The following NKD1 variants were observed in gnomAD, a reference collection of about 807,000 sequenced individuals.
The protein encoded by NKD1 is NKD inhibitor of Wnt signaling pathway 1.
NKD1 carries 21 observed loss-of-function variants against 56.0 expected under a neutral mutation model. The observed-to-expected ratio is 0.38, with a 90% CI of 0.27 to 0.54. NKD1 has a LOEUF of 0.54. NKD1 is among the 20% of genes least tolerant of loss of function. NKD1 has a pLI of 0.82. For synonymous variants in NKD1, 263 were observed against 265.7 expected, an observed-to-expected ratio of 0.99 and a Z score of 0.10; for missense variants, 578 against 642.7, an observed-to-expected ratio of 0.90 and a Z score of 1.09.
chr16:50,636,292 A>G lies in NKD1; in HGVS notation c.*2511A>G, dbSNP rs1567357419. ...GCCCGGAGTTGAGACTACTGGTTTT[A>G]GAGCAGTTCCTCTGCCTCCCTAAGC... On this transcript the variant is annotated 3_prime_UTR_variant, in exon 10 of 10. Transcript: ENST00000268459. 3 of 152,170 alleles carry G rather than the reference A, an allele frequency of 2.0e-5. No homozygotes were observed. 9.4% of individuals were successfully genotyped at this position (152,170 alleles called of 1,614,324 possible).
intron 3 of NKD1, among the ~76,000 whole-genome samples, chr16:50,583,879 C>A (rs1961171648): frequency 6.6e-6 from 1 of 152,220 alleles, no homozygotes; most frequent in South Asian, 2.1e-4. Context: ...GAATCCTGAT[C>A]TAAACACAGT....
chr16:50,562,358 A>G, intron 3 of NKD1: 1 of 740,962 alleles, frequency 1.3e-6, no homozygotes, highest in Non-Finnish European at 1.6e-6. Flanking sequence ...ACTGTCAAGG[A>G]CTATTTCCCT....
intron 3 of NKD1, among the ~76,000 whole-genome samples, chr16:50,583,697 C>A (rs1007804477): frequency 2.6e-5 from 4 of 152,082 alleles, no homozygotes; most frequent in African/African-American, 7.2e-5. Flanking sequence ...AGAAAGATGC[C>A]GTGTCCCCTG....
chr16:50,602,003 C>T (rs1292825730), intron 3 of NKD1, among the ~76,000 whole-genome samples: 1 of 152,226 alleles, frequency 6.6e-6, no homozygotes, highest in Non-Finnish European at 1.5e-5. Flanking sequence ...CTTTCCATCT[C>T]TCTGCCCTTT....
rs369268416 is a variant in NKD1, at chr16:50,625,849, G to A, written c.462+269G>A. 2.0e-4 allele frequency among the ~76,000 whole-genome samples: 5 copies of A among 25,210 alleles called. No homozygotes were observed. The East Asian group carries it at 3.0e-3, about 15-fold the overall frequency. The allele number at this position is 25,210 out of a possible 152,430, so 16.5% of individuals were successfully genotyped here. ...CCTCCCGGGAAAGAAGTTGGGGGGG[G>A]CAGGTGCAGAGCCCTAGGGCCTCTC... On this transcript the variant is annotated intron_variant, in intron 6 of 9. Transcript: ENST00000268459.
intron 3 of NKD1, among the ~76,000 whole-genome samples, chr16:50,553,162 A>C (rs1470037253): frequency 6.6e-6 from 1 of 152,254 alleles, no homozygotes; most frequent in Non-Finnish European, 1.5e-5. Context: ...CTGGGTGTGG[A>C]AAATAGAATG....
chr16:50,565,355 G>C (rs1332289869), intron 3 of NKD1, among the ~76,000 whole-genome samples: 6 of 148,096 alleles, frequency 4.1e-5, no homozygotes, highest in Non-Finnish European at 8.9e-5. Context: ...CTGGGCAACA[G>C]AGTGAGACTC....
intron 4 of NKD1, among the ~76,000 whole-genome samples, chr16:50,619,554 C>T (rs556417815): frequency 8.7e-4 from 133 of 152,290 alleles, no homozygotes; most frequent in African/African-American, 3.0e-3. Flanking sequence ...CATTTGCATT[C>T]GTGAAGCCTC....
At chr16:50,564,259 C>T (rs1032799924) in intron 3 of NKD1, among the ~76,000 whole-genome samples, 41 of 152,204 alleles carry the variant, frequency 2.7e-4, no homozygotes, top group African/African-American at 1.7e-4. Context: ...TGTCACAAAT[C>T]GGGGCCTTTC....
chr16:50,587,746 G>A (rs1961261358), intron 3 of NKD1, among the ~76,000 whole-genome samples: 1 of 152,222 alleles, frequency 6.6e-6, no homozygotes. Flanking sequence ...GTACAGGTCT[G>A]TGGCCTATTA....
intron 4 of NKD1, among the ~76,000 whole-genome samples, chr16:50,614,083 C>G (rs1596744105): frequency 6.6e-6 from 1 of 152,112 alleles, no homozygotes; most frequent in African/African-American, 2.4e-5. Flanking sequence ...GGTGGCATTT[C>G]TGGTCTCAGG....
chr16:50,599,596 C>T (rs1403493600), intron 3 of NKD1, among the ~76,000 whole-genome samples: 1 of 152,198 alleles, frequency 6.6e-6, no homozygotes, highest in Non-Finnish European at 1.5e-5. Flanking sequence ...GCAGATGTCG[C>T]ACACTGACTA....
intron 3 of NKD1, chr16:50,556,878 A>G (rs900719270): frequency 6.6e-6 from 1 of 151,860 alleles, no homozygotes; most frequent in Non-Finnish European, 1.5e-5. Context: ...CCAGCCTTAT[A>G]TATATTTTTT....
At chr16:50,574,126 T>C in intron 3 of NKD1, 3 of 848,304 alleles carry the variant, frequency 3.5e-6, no homozygotes, top group Non-Finnish European at 4.3e-6. Context: ...GTCACATGGG[T>C]ATTGGGTGAT....
chr16:50,556,349 G>A (rs1451259057), intron 3 of NKD1: 1 of 152,300 alleles, frequency 6.6e-6, no homozygotes, highest in Non-Finnish European at 1.5e-5. Context: ...GAAGGCAGAA[G>A]GGAGCTGTTT....
At chr16:50,620,642 G>A (rs1352604140) in intron 4 of NKD1, among the ~76,000 whole-genome samples, 1 of 152,166 alleles carries the variant, frequency 6.6e-6, no homozygotes, top group Non-Finnish European at 1.5e-5. Context: ...GATGTCTCCG[G>A]CAAACCCCAG....
intron 3 of NKD1, chr16:50,574,137 A>C: frequency 1.1e-6 from 1 of 903,620 alleles, no homozygotes; most frequent in Non-Finnish European, 1.3e-6. Context: ...ATTGGGTGAT[A>C]GAACTTGATG....
At chr16:50,577,913 T>A (rs1961025861) in intron 3 of NKD1, among the ~76,000 whole-genome samples, 1 of 152,244 alleles carries the variant, frequency 6.6e-6, no homozygotes, top group Non-Finnish European at 1.5e-5. Context: ...TTTCCTGTAT[T>A]GCTTTTGCCT....
intron 3 of NKD1, chr16:50,574,099 A>G (rs1411958470): frequency 1.2e-6 from 1 of 818,642 alleles, no homozygotes; most frequent in Non-Finnish European, 1.5e-6. Context: ...TCCAAGTGGC[A>G]GAATGTCTTC....
Sources: allele counts gnomAD v4.1 joint callset (sites outside exome capture counted in the v4.1 genomes callset), GRCh38; gene constraint gnomAD v4.1.1; transcripts MANE v1.5; gene names NCBI Gene and HGNC (gene_info 2026-07-23, HGNC 2026-07-21).